The following GNB4 variants were observed in gnomAD, a reference collection of about 807,000 sequenced individuals.
GNB4 encodes G protein subunit beta 4, also known as guanine nucleotide-binding protein subunit beta-4.
Under a neutral mutation model 45.2 loss-of-function variants are expected in GNB4, and 28 were observed. The observed-to-expected ratio is 0.62, with a 90% CI of 0.46 to 0.85. The LOEUF (loss-of-function observed/expected upper bound fraction) is 0.85. Ranked by LOEUF, GNB4 falls within the 40% of genes least tolerant of loss-of-function variation. GNB4 has a pLI of 0.00. For missense variants in GNB4, 321 were observed against 425.4 expected (o/e 0.75, Z 2.16); for synonymous variants, 132 against 143.7 (o/e 0.92, Z 0.58).
chr3:179,428,969 A>G (rs1393765561), intron 1 of GNB4, among the ~76,000 whole-genome samples: 1 of 152,218 alleles, frequency 6.6e-6, no homozygotes, highest in African/African-American at 2.4e-5. Flanking sequence ...TGGAGGTACC[A>G]TGAATAGAAA....
At chr3:179,465,329 C>T in the GNB4 span, 132 of 1,263,976 alleles carry the variant, frequency 1.0e-4, no homozygotes, top group Admixed American at 3.8e-4. Context: ...TATGGCCGGG[C>T]GCGGTGGCTC....
At chr3:179,494,907 CAAAA>C in the GNB4 span, among the ~76,000 whole-genome samples, 1 of 33,990 alleles carries the variant, frequency 2.9e-5, no homozygotes, top group Non-Finnish European at 5.5e-5. Flanking sequence ...GACTCTGTCT[CAAAA>C]AAAAAAAAAA....
chr3:179,455,763 T>C (rs1715967065), upstream of GNB4, among the ~76,000 whole-genome samples: 1 of 152,202 alleles, frequency 6.6e-6, no homozygotes, highest in Non-Finnish European at 1.5e-5. Flanking sequence ...ATTTCCAACA[T>C]GGGCAGGGCT....
At chr3:179,506,254 C>T in the GNB4 span, among the ~76,000 whole-genome samples, 26 of 152,200 alleles carry the variant, frequency 1.7e-4, no homozygotes, top group Non-Finnish European at 3.5e-4. Flanking sequence ...GGGAGGATCA[C>T]CTGAGCCCAA....
the GNB4 span, among the ~76,000 whole-genome samples, chr3:179,502,228 C>CTTTTT: frequency 0.022 from 1,611 of 73,082 alleles, 2 homozygotes; most frequent in African/African-American, 0.029. Context: ...TTTTTCTTTT[C>CTTTTT]TTTTTTTTTT....
chr3:179,447,485 A>C (rs763400351), intron 1 of GNB4, among the ~76,000 whole-genome samples: 15 of 152,032 alleles, frequency 9.9e-5, no homozygotes, highest in Non-Finnish European at 1.9e-4. Context: ...TGTAGCTGAG[A>C]CCACAGATAT....
intron 8 of GNB4, among the ~76,000 whole-genome samples, chr3:179,407,873 C>T (rs1377344641): frequency 6.6e-6 from 1 of 152,110 alleles, no homozygotes; most frequent in East Asian, 1.9e-4. Context: ...TCATAATAAC[C>T]TCATTATACA....
the GNB4 span, among the ~76,000 whole-genome samples, chr3:179,460,453 C>T: frequency 4.6e-4 from 70 of 152,256 alleles, no homozygotes; most frequent in Admixed American, 7.2e-4. Context: ...GGAGGTTCCT[C>T]TTTAGTGACA....
At chr3:179,499,987 G>T in the GNB4 span, among the ~76,000 whole-genome samples, 1 of 152,120 alleles carries the variant, frequency 6.6e-6, no homozygotes, top group Non-Finnish European at 1.5e-5. Flanking sequence ...TTAGCCCTTT[G>T]TCACATGAAT....
At chr3:179,491,333 A>C in the GNB4 span, among the ~76,000 whole-genome samples, 2 of 152,232 alleles carry the variant, frequency 1.3e-5, no homozygotes, top group Non-Finnish European at 2.9e-5. Flanking sequence ...CAGTCAAATT[A>C]TGTGCCTACA....
intron 1 of GNB4, among the ~76,000 whole-genome samples, chr3:179,432,858 G>T (rs1047307581): frequency 6.6e-6 from 1 of 152,134 alleles, no homozygotes; most frequent in Non-Finnish European, 1.5e-5. Context: ...AGAAATCAGG[G>T]AAGTGGCAAA....
intron 9 of GNB4, 143 bp downstream of exon 9, chr3:179,405,047 G>A (rs1714422356): frequency 3.5e-6 from 2 of 565,800 alleles, no homozygotes; most frequent in Non-Finnish European, 6.1e-6. Flanking sequence ...ACAAACAAAA[G>A]GTAACAACAA....
chr3:179,461,709 A>C, the GNB4 span, among the ~76,000 whole-genome samples: 1 of 152,200 alleles, frequency 6.6e-6, no homozygotes, highest in Admixed American at 6.5e-5. Context: ...ACTAAAAACA[A>C]ATTTTTTTTT....
At chr3:179,464,215 T>G in the GNB4 span, 1 of 394,892 alleles carries the variant, frequency 2.5e-6, no homozygotes, top group Non-Finnish European at 4.7e-6. Flanking sequence ...TCCCAACGTT[T>G]TAGGAGGCTG....
the GNB4 span, chr3:179,465,352 CCAG>C: frequency 3.9e-6 from 4 of 1,019,200 alleles, no homozygotes; most frequent in East Asian, 1.0e-4. Context: ...ACCTGTAATC[CCAG>C]CACTTTGGGA....
intron 8 of GNB4, among the ~76,000 whole-genome samples, chr3:179,412,089 C>T (rs1004953303): frequency 2.0e-5 from 3 of 152,122 alleles, no homozygotes; most frequent in African/African-American, 7.2e-5. Flanking sequence ...GCTTATCCTC[C>T]TATATACTGA....
At chr3:179,502,708 A>G in the GNB4 span, among the ~76,000 whole-genome samples, 3 of 152,148 alleles carry the variant, frequency 2.0e-5, no homozygotes, top group Non-Finnish European at 4.4e-5. Context: ...AAGCCTTTGG[A>G]AAAAAATACC....
chr3:179,465,041 C>G, the GNB4 span: 2 of 1,498,358 alleles, frequency 1.3e-6, no homozygotes, highest in Admixed American at 1.7e-5. Flanking sequence ...AATATCTTAT[C>G]GATATACTTC....
At chr3:179,465,824 T>TTC in the GNB4 span, among the ~76,000 whole-genome samples, 1 of 83,038 alleles carries the variant, frequency 1.2e-5, no homozygotes, top group Non-Finnish European at 2.4e-5. Context: ...CTTCTTCTTC[T>TTC]TTTTTTTTTT....
Sources: gnomAD v4.1 joint callset for allele counts (sites outside exome capture counted in the v4.1 genomes callset) on GRCh38, gnomAD v4.1.1 for gene constraint, MANE v1.5 for transcripts, NCBI Gene and HGNC (gene_info 2026-07-23, HGNC 2026-07-21) for gene names.